The following TRABD variants were observed in gnomAD, a reference collection of about 807,000 sequenced individuals.
TRABD encodes TraB domain containing.
Under a neutral mutation model 39.6 loss-of-function variants are expected in TRABD, and 23 were observed. The ratio of observed to expected loss-of-function variants is 0.58; its 90% CI spans 0.42 to 0.82. The LOEUF (loss-of-function observed/expected upper bound fraction) is 0.82, where lower values mean the gene tolerates loss of function less well. Ranked by LOEUF, TRABD falls within the 40% of genes least tolerant of loss-of-function variation. The pLI, the probability that TRABD is intolerant of heterozygous loss-of-function variation, is 0.00. For synonymous variants in TRABD, 243 were observed against 232.1 expected, an observed-to-expected ratio of 1.05 and a Z score of -0.43; for missense variants, 487 against 544.9, an observed-to-expected ratio of 0.89 and a Z score of 1.06.
chr22:50,194,316 C>T, intron 3 of TRABD, 24 bp from the exon 4 acceptor site: 1 of 1,605,908 alleles, frequency 6.2e-7, no homozygotes, highest in Non-Finnish European at 8.5e-7. Context: ...CCCGGCACCA[C>T]AACGGCCTGT....
chr22:50,190,579 GTTTC>G (rs1569078925), intron 1 of TRABD: 1 of 152,232 alleles, frequency 6.6e-6, no homozygotes, highest in Admixed American at 6.5e-5. Flanking sequence ...CTGCACAGGA[GTTTC>G]TTTAAGGAGT....
At position 50,197,857 on chromosome 22, in the gene TRABD, C is replaced by A; in HGVS notation, c.706C>A (p.Leu236Ile). The change falls in exon 8 of 10, where the codon CTA becomes ATA. Residue 236 changes from leucine (L) to isoleucine (I), a missense_variant. Transcript: ENST00000380909. ...CGTGGAACGCTGCAAGCAGAAGGACCTACTGGAGCAGATGATGGCCGAGAT... is the reference window on the plus strand; with the variant it reads ...CGTGGAACGCTGCAAGCAGAAGGACATACTGGAGCAGATGATGGCCGAGAT... ...DDVERCKQKD[L>I]LEQMMAEMIG... 6.2e-7 allele frequency: 1 copy of A among 1,611,982 alleles called. No homozygotes were observed. Among genetic ancestry groups the A allele is most frequent in the South Asian group, 1.1e-5 (1 of 90,990 alleles).
rs532694316 is a variant in TRABD, at chr22:50,198,996, C to T, written c.*477C>T. ...GCCCTGGAGCTCCAGCCGACCCCAC[C>T]GTGCCCCTGGCATCCTGGCCCTGGC... On this transcript the variant is annotated 3_prime_UTR_variant, in exon 10 of 10. Transcript: ENST00000380909. The surrounding 1 kb of genome is among the most constrained non-coding windows in gnomAD (Gnocchi z 7.9). The T allele has an allele frequency of 1.2e-4, 76 of 651,930 alleles. No homozygotes were observed. The highest frequency in any genetic ancestry group is 2.2e-4 in the East Asian group (8 of 35,882). 40.4% of individuals were successfully genotyped at this position (651,930 alleles called of 1,614,324 possible).
At chr22:50,197,768 C>CCCCCCCCCCCCCCCGG in intron 7 of TRABD, 55 bp from the exon 8 acceptor site, 1 of 1,320,232 alleles carries the variant, frequency 7.6e-7, no homozygotes, top group Non-Finnish European at 1.1e-6. Flanking sequence ...GTGCCAGCCC[C>CCCCCCCCCCCCCCCGG]ACCCCCCCAG....
intron 1 of TRABD, among the ~76,000 whole-genome samples, chr22:50,188,941 C>T (rs1462351044): frequency 6.6e-6 from 1 of 152,256 alleles, no homozygotes; most frequent in African/African-American, 2.4e-5. Flanking sequence ...AGATGTCCTC[C>T]TGGGGCTGTT....
chr22:50,194,295 C>G (rs764374953), intron 3 of TRABD, 45 bp from the exon 4 acceptor site: 2 of 1,593,026 alleles, frequency 1.3e-6, no homozygotes, highest in African/African-American at 1.4e-5. Flanking sequence ...CGGCGGCGTC[C>G]TTGGGGTGGG....
intron 5 of TRABD, among the ~76,000 whole-genome samples, chr22:50,196,328 G>T (rs563496011): frequency 6.6e-6 from 1 of 152,350 alleles, no homozygotes; most frequent in Non-Finnish European, 1.5e-5. Context: ...GGGAAACACG[G>T]GCACTCCATC....
intron 1 of TRABD, among the ~76,000 whole-genome samples, chr22:50,186,476 G>A (rs2063760527): frequency 6.6e-6 from 1 of 152,152 alleles, no homozygotes. Context: ...CTGGGGCGGG[G>A]AGGGTCAGCG....
chr22:50,198,669 C>A lies in TRABD; in HGVS notation c.*150C>A. 1 of 693,540 alleles carries A rather than the reference C, an allele frequency of 1.4e-6. No homozygotes were observed. Among genetic ancestry groups the A allele is most frequent in the South Asian group, 2.1e-5 (1 of 47,034 alleles). The allele number at this position is 693,540 out of a possible 1,614,324, so 43.0% of individuals were successfully genotyped here. On this transcript the variant is annotated 3_prime_UTR_variant, in exon 10 of 10. Transcript: ENST00000380909. This position sits in a 1 kb window ranked among gnomAD's most constrained non-coding sequence, Gnocchi z 7.9. ...CGCCTGCCCTCCTGGGCCAGTCACCCCTCCCCCAGCCCACCCAAATAAAGG... is the reference window on the plus strand; with the variant it reads ...CGCCTGCCCTCCTGGGCCAGTCACCACTCCCCCAGCCCACCCAAATAAAGG...
chr22:50,192,994 G>T, intron 1 of TRABD, 33 bp from the exon 2 acceptor site: 2 of 1,531,752 alleles, frequency 1.3e-6, no homozygotes, highest in Non-Finnish European at 1.8e-6. Flanking sequence ...TGGGGCTCCA[G>T]GTGGAAACCC....
intron 1 of TRABD, among the ~76,000 whole-genome samples, chr22:50,186,267 G>GTTGGGGGCCGGGCCCGGGTCAGGT (rs2063754221): frequency 7.2e-6 from 1 of 139,854 alleles, no homozygotes; most frequent in Middle Eastern, 3.7e-3. Context: ...GACCAGGGTC[G>GTTGGGGGCCGGGCCCGGGTCAGGT]TTGGGGGCCG....
chr22:50,199,042 C>T lies in TRABD; in HGVS notation c.*523C>T. ...CTGGCCGCCACCTCCCTGGCACCGT[C>T]TGCCTGCAGGGATTCTGTGTTTTTG... On this transcript the variant is annotated 3_prime_UTR_variant, in exon 10 of 10. Transcript: ENST00000380909. The T allele has an allele frequency of 1.4e-6, 1 of 702,896 alleles. No individual in the cohort carries two copies. The allele number at this position is 702,896 out of a possible 1,614,324, so 43.5% of individuals were successfully genotyped here.
At chr22:50,192,441 C>T (rs1183420974) in intron 1 of TRABD, 1 of 152,394 alleles carries the variant, frequency 6.6e-6, no homozygotes, top group South Asian at 2.0e-4. Context: ...CCAGCCTGTC[C>T]GGGTTTCTAC....
chr22:50,191,877 C>T (rs2063917642), intron 1 of TRABD: 1 of 152,236 alleles, frequency 6.6e-6, no homozygotes, highest in African/African-American at 2.4e-5. Context: ...CTCAGCCTCC[C>T]CAGTAGCTGG....
chr22:50,194,437 G>A lies in TRABD; in HGVS notation c.210G>A (p.Glu70=). 1 of 1,612,328 alleles carries A rather than the reference G, an allele frequency of 6.2e-7. No individual in the cohort carries two copies. Among genetic ancestry groups the A allele is most frequent in the Non-Finnish European group, 8.5e-7 (1 of 1,179,518 alleles). The part of the protein sequence containing the change: ...LPRTVTQLVA[E]DGSRVYVVGT... ...GCACTGTGACCCAGTTGGTGGCTGA[G>A]GACGGGAGCAGGGTGTACGTGGTGG... The change falls in exon 4 of 10, where the codon GAG becomes GAA. Residue 70 remains glutamate, a synonymous_variant. Transcript: ENST00000380909.
At chr22:50,187,102 G>A (rs2063778833) in intron 1 of TRABD, among the ~76,000 whole-genome samples, 1 of 152,238 alleles carries the variant, frequency 6.6e-6, no homozygotes, top group Non-Finnish European at 1.5e-5. Context: ...TGGGGATGCT[G>A]GCCAGCCTCG....
In TRABD at chr22:50,193,085, C is replaced by T. The variant is rs2063966714; in HGVS notation, c.25C>T (p.Pro9Ser). The T allele has an allele frequency of 6.5e-7, 1 of 1,545,550 alleles. No homozygotes were observed. The highest frequency in any genetic ancestry group is 8.7e-7 in the Non-Finnish European group (1 of 1,146,986). The part of the protein sequence containing the change: MDGEEQQP[P>S]HEANVEPVVP... The stretch of plus-strand genomic sequence containing the variant: ...CATGGACGGGGAGGAGCAGCAGCCA[C>T]CGCACGAGGTGAGGTGGAGGCTGGG... The change falls in exon 2 of 10, where the codon CCG becomes TCG. Residue 9 changes from proline to serine, a missense_variant. Coordinates refer to ENST00000380909, the MANE Select transcript of TRABD (RefSeq NM_001320485.2).
At chr22:50,189,097 T>G (rs1354751700) in intron 1 of TRABD, among the ~76,000 whole-genome samples, 2 of 152,252 alleles carry the variant, frequency 1.3e-5, no homozygotes, top group African/African-American at 4.8e-5. Flanking sequence ...GCTAAGTCTT[T>G]TCTTGCCCTG....
chr22:50,197,395 C>A lies in TRABD; in HGVS notation c.531+44C>A, dbSNP rs771513563. ...AGGGGGTGGCCACAGGGATGTGGCT[C>A]ACAGGGGTGGTCCGGGGTTCCCACT... On this transcript the variant is annotated intron_variant, in intron 6 of 9. Transcript: ENST00000380909. The A allele has an allele frequency of 2.5e-6, 4 of 1,612,336 alleles. 1 individual carries two copies. The South Asian group carries it at 4.4e-5, about 18-fold the overall frequency.
Sources: allele counts gnomAD v4.1 joint callset (sites outside exome capture counted in the v4.1 genomes callset), GRCh38; gene constraint gnomAD v4.1.1; non-coding constraint Gnocchi (gnomAD v3.1); transcripts MANE v1.5; gene names NCBI Gene and HGNC (gene_info 2026-07-23, HGNC 2026-07-21).